The following PKNOX2 variants were observed in gnomAD, a reference collection of about 807,000 sequenced individuals.
PKNOX2 encodes the protein PBX/knotted 1 homeobox 2.
Under a neutral mutation model 53.1 loss-of-function variants are expected in PKNOX2, and 14 were observed. The observed-to-expected ratio is 0.26, with a 90% CI of 0.17 to 0.41. The LOEUF is 0.41. PKNOX2 is among the 10% of genes least tolerant of loss of function. PKNOX2 has a pLI of 1.00. For missense variants in PKNOX2, 496 were observed against 602.8 expected, an observed-to-expected ratio of 0.82 and a Z score of 1.85; for synonymous variants, 257 against 242.8, an observed-to-expected ratio of 1.06 and a Z score of -0.54.
chr11:125,196,085 G>C (rs1205485773), intron 1 of PKNOX2, among the ~76,000 whole-genome samples: 1 of 152,104 alleles, frequency 6.6e-6, no homozygotes, highest in Non-Finnish European at 1.5e-5. Context: ...TAGGCATTGG[G>C]CATGGGGATC....
rs767504903 is a variant in PKNOX2, at chr11:125,429,105, T to C, written c.1013+17T>C. 1.3e-6 allele frequency: 2 copies of C among 1,596,036 alleles called. No homozygotes were observed. On this transcript the variant is annotated intron_variant, in intron 11 of 12. Transcript: ENST00000298282. ...AAACAACTGGTGAGTTTGCATCACCTGCATGCAGGCTCCCAGATCCAGGGG... is the reference window on the plus strand; with the variant it reads ...AAACAACTGGTGAGTTTGCATCACCCGCATGCAGGCTCCCAGATCCAGGGG...
intron 2 of PKNOX2, among the ~76,000 whole-genome samples, chr11:125,238,735 C>CAGGAATAGGA (rs1433922510): frequency 6.6e-6 from 1 of 152,166 alleles, no homozygotes; most frequent in Non-Finnish European, 1.5e-5. Context: ...CCTATTCTGT[C>CAGGAATAGGA]CCCTTTTGTG....
intron 2 of PKNOX2, among the ~76,000 whole-genome samples, chr11:125,255,100 T>C (rs1944315199): frequency 6.6e-6 from 1 of 152,196 alleles, no homozygotes; most frequent in Non-Finnish European, 1.5e-5. Flanking sequence ...CACCATTTTA[T>C]AGATGAAAAA....
At position 125,269,811 on chromosome 11, in the gene PKNOX2, G is replaced by A. The variant is rs543832182; in HGVS notation, c.-130+34696G>A. Among the ~76,000 whole-genome samples, 8 of 152,308 alleles carry A rather than the reference G, an allele frequency of 5.3e-5. No individual in the cohort carries two copies. The South Asian group carries it at 8.3e-4, about 16-fold the overall frequency. On this transcript the variant is annotated intron_variant, in intron 2 of 12. Coordinates refer to ENST00000298282, the MANE Select transcript of PKNOX2 (RefSeq NM_001382323.2). ...TGTAGGACATTTGGTACATCCTCAC[G>A]GGGTCGGGGGCGGTTGTCCTTGGAC...
rs554540912 is a variant in PKNOX2 at position 125,412,320 on chromosome 11, G to T, written c.936+455G>T. ...GTCCTCCCCACTGGGTGAGCCAAGCGCTGTGTGGTGGAGATGGGCGCCAAG... is the reference window on the plus strand; with the variant it reads ...GTCCTCCCCACTGGGTGAGCCAAGCTCTGTGTGGTGGAGATGGGCGCCAAG... On this transcript the variant is annotated intron_variant, in intron 10 of 12. Transcript: ENST00000298282. Among the ~76,000 whole-genome samples, 11 of 152,318 alleles carry T rather than the reference G, an allele frequency of 7.2e-5. No homozygotes were observed. The Middle Eastern group carries it at 0.014, about 188-fold the overall frequency.
chr11:125,385,634 G>A lies in PKNOX2; in HGVS notation c.311G>A (p.Ser104Asn). 6.2e-7 allele frequency: 1 copy of A among 1,614,074 alleles called. No individual in the cohort carries two copies. The highest frequency in any genetic ancestry group is 8.5e-7 in the Non-Finnish European group (1 of 1,180,012). The change falls in exon 6 of 13, where the codon AGC becomes AAC. Residue 104 changes from serine to asparagine, a missense_variant. Coordinates refer to ENST00000298282, the MANE Select transcript of PKNOX2 (RefSeq NM_001382323.2). ...TQGSECITSA[S>N]FDVDIENFVH... is the part of the protein sequence containing the mutation. The stretch of plus-strand genomic sequence containing the variant: ...GGCTCTGAGTGCATCACCTCCGCCA[G>A]CTTTGATGTGGACATCGAGAACTTT...
intron 2 of PKNOX2, among the ~76,000 whole-genome samples, chr11:125,253,171 T>C (rs1944134039): frequency 6.6e-6 from 1 of 152,326 alleles, no homozygotes; most frequent in Middle Eastern, 3.4e-3. Context: ...ACACTCGTGG[T>C]GATAGCAATA....
intron 1 of PKNOX2, among the ~76,000 whole-genome samples, chr11:125,225,025 T>C (rs1389257225): frequency 6.6e-6 from 1 of 152,172 alleles, no homozygotes; most frequent in East Asian, 1.9e-4. Flanking sequence ...CTGGATGGCA[T>C]CTTTTCTGAG....
chr11:125,353,450 G>C (rs746758474), intron 4 of PKNOX2, among the ~76,000 whole-genome samples: 2 of 152,214 alleles, frequency 1.3e-5, no homozygotes, highest in African/African-American at 2.4e-5. Context: ...CATACAGCTG[G>C]ATTAATAAAT....
intron 6 of PKNOX2, among the ~76,000 whole-genome samples, chr11:125,387,521 T>G (rs1041295869): frequency 6.6e-6 from 1 of 151,992 alleles, no homozygotes; most frequent in African/African-American, 2.4e-5. Context: ...ACTTCCATGC[T>G]CTCTCCTGGC....
At chr11:125,351,234 G>A (rs752083841) in intron 3 of PKNOX2, 50 bp from the exon 4 acceptor site, 146 of 823,302 alleles carry the variant, frequency 1.8e-4, no homozygotes, top group Non-Finnish European at 2.5e-4. Flanking sequence ...TGCCCAGGGC[G>A]GGCCTGCTCA....
intron 3 of PKNOX2, among the ~76,000 whole-genome samples, chr11:125,333,146 T>A (rs565304873): frequency 3.9e-5 from 6 of 152,118 alleles, no homozygotes; most frequent in Admixed American, 1.3e-4. Flanking sequence ...ACAGCAGCTG[T>A]GGGCAGGGAT....
At chr11:125,251,701 T>A (rs1944014955) in intron 2 of PKNOX2, among the ~76,000 whole-genome samples, 1 of 151,462 alleles carries the variant, frequency 6.6e-6, no homozygotes, top group Non-Finnish European at 1.5e-5. Context: ...ACCCAACCTC[T>A]CTTCCTCCAT....
chr11:125,199,952 C>A (rs1174533863), intron 1 of PKNOX2, among the ~76,000 whole-genome samples: 1 of 152,226 alleles, frequency 6.6e-6, no homozygotes, highest in Non-Finnish European at 1.5e-5. Context: ...ATTGAATGAA[C>A]CCTGGTCTTG....
intron 5 of PKNOX2, among the ~76,000 whole-genome samples, chr11:125,382,731 G>A (rs186164786): frequency 9.2e-5 from 14 of 152,306 alleles, no homozygotes; most frequent in Middle Eastern, 3.4e-3. Flanking sequence ...GATCAGGTTA[G>A]ATTAGACTAT....
chr11:125,218,324 G>C (rs1033836635), intron 1 of PKNOX2, among the ~76,000 whole-genome samples: 1 of 151,896 alleles, frequency 6.6e-6, no homozygotes, highest in African/African-American at 2.4e-5. Flanking sequence ...TGAGTGGGGT[G>C]GGGGCTCGGC....
intron 7 of PKNOX2, among the ~76,000 whole-genome samples, chr11:125,401,142 GA>G (rs1371418908): frequency 2.2e-4 from 33 of 152,140 alleles, no homozygotes; most frequent in Non-Finnish European, 4.4e-5. Flanking sequence ...AAAATAAAGG[GA>G]AAGAAAGCCA....
chr11:125,239,504 T>C (rs1364840884), intron 2 of PKNOX2: 2 of 152,218 alleles, frequency 1.3e-5, no homozygotes, highest in Non-Finnish European at 2.9e-5. Context: ...GAAAAGGTCA[T>C]TAAAGAACCA....
chr11:125,279,647 G>A (rs548818757), intron 2 of PKNOX2, among the ~76,000 whole-genome samples: 1 of 152,234 alleles, frequency 6.6e-6, no homozygotes, highest in South Asian at 2.1e-4. Flanking sequence ...GGAACGCAGG[G>A]GAGTCCTGGC....
Sources: allele counts gnomAD v4.1 joint callset (sites outside exome capture counted in the v4.1 genomes callset), GRCh38; gene constraint gnomAD v4.1.1; transcripts MANE v1.5; gene names NCBI Gene and HGNC (gene_info 2026-07-23, HGNC 2026-07-21).